Variants in ATM observed in about 807,000 individuals in gnomAD.
The protein encoded by ATM is ATM serine/threonine kinase.
Under a neutral mutation model 387.0 loss-of-function variants are expected in ATM, and 308 were observed. The observed-to-expected ratio is 0.80, with a 90% confidence interval of 0.73 to 0.87. ATM has a LOEUF of 0.87. Among genes scored for constraint, ATM ranks in the 40% least tolerant of loss-of-function variants. ATM has a pLI of 0.00. For missense variants in ATM, 3,312 were observed against 3,560.9 expected (o/e 0.93, Z 1.78); for synonymous variants, 1,156 against 1,187.3 (o/e 0.97, Z 0.54).
At position 108,250,600 on chromosome 11, in the gene ATM, C is replaced by A. The variant is rs893908157; in HGVS notation, c.1236-101C>A. The A allele has an allele frequency of 8.7e-6, 11 of 1,262,042 alleles. 1 individual carries two copies. The highest frequency in any genetic ancestry group is 1.2e-5 in the Non-Finnish European group (11 of 895,284). The allele number at this position is 1,262,042 out of a possible 1,614,324, so 78.2% of individuals were successfully genotyped here. ...GAGTACTATGGAAATGATGGTGATT[C>A]TCTAATTAGGATATTGTAAGAGTAC... is the stretch of plus-strand genomic sequence containing the variant. On this transcript the variant is annotated intron_variant, in intron 9 of 62. Coordinates refer to ENST00000675843, the MANE Select transcript of ATM (RefSeq NM_000051.4).
In ATM at chr11:108,284,212, T is replaced by C. The variant is rs995903726; in HGVS notation, c.3747-15T>C. The C allele has an allele frequency of 6.3e-7, 1 of 1,577,766 alleles. No individual in the cohort carries two copies. Among genetic ancestry groups the C allele is most frequent in the East Asian group, 2.3e-5 (1 of 43,926 alleles). On this transcript the variant is annotated splice_polypyrimidine_tract_variant and intron_variant, in intron 25 of 62. Transcript: ENST00000675843. ...AGTTATATATAACCTGTATTTTAAA[T>C]TTTTCTATTTTTAGATCTTGTTATA...
In ATM at chr11:108,331,553, ATAATG is replaced by A. The variant is rs876660041; in HGVS notation, c.7629_7629+4del. 5 of 1,610,726 alleles carry A rather than the reference ATAATG, an allele frequency of 3.1e-6. No individual in the cohort carries two copies. Among genetic ancestry groups the A allele is most frequent in the Non-Finnish European group, 3.4e-6 (4 of 1,178,694 alleles). ...GGCCTAGGATTTCATGAAGTCCTCAATAATGTAAGTAAACCTGAAAATCAAACCAC... is the reference window on the plus strand; with the variant it reads ...GGCCTAGGATTTCATGAAGTCCTCAATAAGTAAACCTGAAAATCAAACCAC... On this transcript the variant is annotated splice_donor_variant and coding_sequence_variant, in exon 51 of 63. Coordinates refer to ENST00000675843, the MANE Select transcript of ATM (RefSeq NM_000051.4). LOFTEE classifies it high-confidence loss of function.
intron 16 of ATM, among the ~76,000 whole-genome samples, chr11:108,260,330 G>A (rs2080788437): frequency 6.6e-6 from 1 of 152,006 alleles, no homozygotes; most frequent in African/African-American, 2.4e-5. Context: ...CCACCACACT[G>A]AGCCAAAAAG....
intron 42 of ATM, 114 bp from the exon 43 acceptor site, chr11:108,317,258 TG>T: frequency 8.9e-7 from 1 of 1,118,230 alleles, no homozygotes; most frequent in South Asian, 1.3e-5. Context: ...GGATTTTAAA[TG>T]ATATTGTGAA....
intron 42 of ATM, 127 bp from the exon 43 acceptor site, chr11:108,317,246 T>C: frequency 1.0e-6 from 1 of 953,966 alleles, no homozygotes; most frequent in Non-Finnish European, 1.6e-6. Flanking sequence ...GCTGATATTT[T>C]GGGATTTTAA....
chr11:108,263,707 G>A (rs1213821971), intron 16 of ATM, among the ~76,000 whole-genome samples: 2 of 147,318 alleles, frequency 1.4e-5, no homozygotes, highest in Admixed American at 6.8e-5. Context: ...TTTTTTGAAA[G>A]GATCAACAAA....
chr11:108,357,324 C>T (rs1434632561), intron 61 of ATM, among the ~76,000 whole-genome samples: 4 of 152,216 alleles, frequency 2.6e-5, no homozygotes, highest in South Asian at 2.1e-4. Context: ...ATTGCTAGCA[C>T]AGCAGTCTGA....
chr11:108,264,327 G>T (rs1364223835), intron 16 of ATM, among the ~76,000 whole-genome samples: 2 of 152,046 alleles, frequency 1.3e-5, no homozygotes, highest in Non-Finnish European at 2.9e-5. Flanking sequence ...CTGGTTCAAT[G>T]TACACAAATC....
At chr11:108,293,206 A>C (rs1163279849) in intron 30 of ATM, 107 bp from the exon 31 acceptor site, 1 of 741,186 alleles carries the variant, frequency 1.3e-6, no homozygotes, top group African/African-American at 1.8e-5. Flanking sequence ...TAGAACATTT[A>C]ATCTGATCTA....
intron 16 of ATM, among the ~76,000 whole-genome samples, chr11:108,261,420 G>T (rs2080879271): frequency 6.6e-6 from 1 of 152,210 alleles, no homozygotes; most frequent in African/African-American, 2.4e-5. Flanking sequence ...GCAGCTGAGG[G>T]TTTTGTCTGT....
At chr11:108,303,360 T>C (rs1330487495) in intron 36 of ATM, among the ~76,000 whole-genome samples, 1 of 152,162 alleles carries the variant, frequency 6.6e-6, no homozygotes, top group Non-Finnish European at 1.5e-5. Context: ...TTTTCCCTGA[T>C]ATGCTTTCTT....
rs1555055145 is a variant in ATM, at chr11:108,229,226, A to G, written c.234A>G (p.Ala78=). ...AAGAAACAGAATGTCTGAGAATAGC[A>G]AAACCAAATGTATCAGCCTCAACAC... The part of the protein sequence containing the change: ...IQKETECLRI[A]KPNVSASTQA... The change falls in exon 4 of 63, where the codon GCA becomes GCG. Residue 78 remains alanine (A), a synonymous_variant. Coordinates refer to ENST00000675843, the MANE Select transcript of ATM (RefSeq NM_000051.4). The G allele has an allele frequency of 6.2e-7, 1 of 1,613,674 alleles. No homozygotes were observed. Among genetic ancestry groups the G allele is most frequent in the Non-Finnish European group, 8.5e-7 (1 of 1,179,782 alleles).
In ATM at chr11:108,367,111, C is replaced by T; in HGVS notation, c.*1603C>T. 1 of 180,778 alleles carries T rather than the reference C, an allele frequency of 5.5e-6. No individual in the cohort carries two copies. The highest frequency in any genetic ancestry group is 1.2e-5 in the Non-Finnish European group (1 of 84,660). The allele number at this position is 180,778 out of a possible 1,614,324, so 11.2% of individuals were successfully genotyped here. ...CAAGCAATTCTCCTGCCTCAGCCTC[C>T]CGAGTAGCTGGGACTACAGGCGTGT... On this transcript the variant is annotated 3_prime_UTR_variant, in exon 63 of 63. Coordinates refer to ENST00000675843, the MANE Select transcript of ATM (RefSeq NM_000051.4).
intron 5 of ATM, among the ~76,000 whole-genome samples, chr11:108,239,478 C>A (rs1258907138): frequency 6.6e-6 from 1 of 152,186 alleles, no homozygotes; most frequent in East Asian, 1.9e-4. Flanking sequence ...GTCAGAATTT[C>A]ACCCTTATTA....
chr11:108,328,920 G>A lies in ATM; in HGVS notation c.7090-101G>A, dbSNP rs4988120. 103 of 1,235,810 alleles carry A rather than the reference G, an allele frequency of 8.3e-5. No individual in the cohort carries two copies. The East Asian group carries it at 1.9e-3, about 23-fold the overall frequency. 76.6% of individuals were successfully genotyped at this position (1,235,810 alleles called of 1,614,324 possible). A position where few individuals can be genotyped will look rare whatever the true frequency, so the allele number is the denominator to read the frequency against. On this transcript the variant is annotated intron_variant, in intron 48 of 62. Coordinates refer to ENST00000675843, the MANE Select transcript of ATM (RefSeq NM_000051.4). ...CATATAATTTAGCTAGCTTTTATATGTATATAAGTTAAATTTTAGTGTATT... is the reference window on the plus strand; with the variant it reads ...CATATAATTTAGCTAGCTTTTATATATATATAAGTTAAATTTTAGTGTATT...
chr11:108,330,762 G>A (rs535819767), intron 50 of ATM, among the ~76,000 whole-genome samples: 45 of 152,256 alleles, frequency 3.0e-4, no homozygotes, highest in African/African-American at 1.1e-3. Flanking sequence ...GATTTAGAAA[G>A]CAGTTAAAGA....
intron 22 of ATM, among the ~76,000 whole-genome samples, chr11:108,273,256 G>T (rs2081710866): frequency 6.6e-6 from 1 of 150,528 alleles, no homozygotes; most frequent in Non-Finnish European, 1.5e-5. Context: ...TGAACATCCA[G>T]TGAAGCACTG....
In ATM at chr11:108,365,173, A is replaced by G. The variant is rs750441954; in HGVS notation, c.8942A>G (p.His2981Arg). 4 of 1,614,194 alleles carry G rather than the reference A, an allele frequency of 2.5e-6. No homozygotes were observed. Among genetic ancestry groups the G allele is most frequent in the East Asian group, 2.2e-5 (1 of 44,886 alleles). ...QQRPEDETELHPTLNADDQEC... is the reference protein window; with the variant it reads ...QQRPEDETELRPTLNADDQEC... ...AGGCCGGAAGATGAAACTGAGCTTC[A>G]CCCTACTCTGAATGCAGATGACCAA... is the stretch of plus-strand genomic sequence containing the variant. Residue 2981 changes from histidine (H) to arginine (R), a missense_variant, in exon 62 of 63, where the codon CAC (histidine) becomes CGC (arginine). Around this residue, in one of 4 missense-constraint regions of ATM, gnomAD observed 95 missense variants for 100.3 expected, o/e 0.95. Coordinates refer to ENST00000675843, the MANE Select transcript of ATM (RefSeq NM_000051.4).
In ATM at chr11:108,297,329, T is replaced by G. The variant is rs1555103237; in HGVS notation, c.4952T>G (p.Leu1651Trp). Residue 1651 changes from leucine to tryptophan, a missense_variant, in exon 33 of 63, where the codon TTG (leucine) becomes TGG (tryptophan). This residue lies in a region of ATM where 1,405 missense variants were observed against 1,604.4 expected (regional missense o/e 0.88). Transcript: ENST00000675843. ...DGIMVKLVVN[L>W]LQLSKMAINH... ...ATTATGGTGAAACTAGTTGTCAATT[T>G]GTTGCAGTTATCCAAGATGGCAATA... The G allele has an allele frequency of 3.1e-6, 5 of 1,614,086 alleles. No individual in the cohort carries two copies. The South Asian group carries it at 5.5e-5, about 18-fold the overall frequency.
Sources: gnomAD v4.1 joint callset for allele counts (sites outside exome capture counted in the v4.1 genomes callset) on GRCh38, gnomAD v4.1.1 for gene constraint, gnomAD v4.1.1 regional missense constraint, MANE v1.5 for transcripts, NCBI Gene and HGNC (gene_info 2026-07-23, HGNC 2026-07-21) for gene names.